DLGAP1: variants seen among roughly 807,000 people sequenced by gnomAD.
DLGAP1 encodes the protein disks large-associated protein 1.
A neutral mutation model predicts 90.8 loss-of-function variants in DLGAP1; 11 were observed. The ratio of observed to expected loss-of-function variants is 0.12; its 90% CI spans 0.08 to 0.20. The LOEUF (loss-of-function observed/expected upper bound fraction) is 0.20, where lower values mean the gene tolerates loss of function less well. Among genes scored for constraint, DLGAP1 ranks in the 10% least tolerant of loss-of-function variants. The pLI, the probability that DLGAP1 is intolerant of heterozygous loss-of-function variation, is 1.00. For missense variants in DLGAP1, 1,050 were observed against 1,333.8 expected (o/e 0.79, Z 3.31); for synonymous variants, 558 against 540.7 (o/e 1.03, Z -0.44).
chr18:4,402,999 T>C (rs1254797142), intron 1 of DLGAP1, among the ~76,000 whole-genome samples: 1 of 152,238 alleles, frequency 6.6e-6, no homozygotes, highest in Non-Finnish European at 1.5e-5. Context: ...ATGGTAGAAC[T>C]CTGACCATGA....
intron 6 of DLGAP1, among the ~76,000 whole-genome samples, chr18:3,736,317 T>C (rs540078123): frequency 7.9e-5 from 12 of 152,340 alleles, no homozygotes; most frequent in East Asian, 1.9e-4. Flanking sequence ...GATGTACCTA[T>C]GGTAAAAATA....
Position 3,897,996 on chromosome 18 carries a change from T to C in DLGAP1, c.-72-17856A>G, listed in dbSNP as rs11877269. Among the ~76,000 whole-genome samples, 385 of 151,660 alleles carry C rather than the reference T, an allele frequency of 2.5e-3. 3 individuals are homozygous for C. Among genetic ancestry groups the C allele is most frequent in the Middle Eastern group, 0.014 (4 of 292 alleles). ...TTTTTAGTAGAGACGGGGTTTCACC[T>C]TGTTAGCCAGGATGGTCTCGATCTC... On this transcript the variant is annotated intron_variant, in intron 3 of 12. Coordinates refer to ENST00000315677, the MANE Select transcript of DLGAP1 (RefSeq NM_004746.4).
At chr18:4,249,721 G>A (rs2145187850) in intron 1 of DLGAP1, among the ~76,000 whole-genome samples, 1 of 152,248 alleles carries the variant, frequency 6.6e-6, no homozygotes, top group Non-Finnish European at 1.5e-5. Flanking sequence ...CCCAGCAGCT[G>A]GGACTATAGG....
intron 2 of DLGAP1, among the ~76,000 whole-genome samples, chr18:4,135,009 T>C (rs2076377377): frequency 6.6e-6 from 1 of 151,680 alleles, no homozygotes; most frequent in African/African-American, 2.4e-5. Flanking sequence ...ATTTGAATAG[T>C]GTGGCCGGAA....
intron 3 of DLGAP1, among the ~76,000 whole-genome samples, chr18:3,940,255 C>G (rs977005527): frequency 4.6e-5 from 7 of 152,178 alleles, no homozygotes; most frequent in African/African-American, 1.7e-4. Flanking sequence ...GCTCTAGCCC[C>G]AGTCAAGTTT....
At chr18:3,809,771 C>G (rs538878276) in intron 5 of DLGAP1, among the ~76,000 whole-genome samples, 5 of 152,324 alleles carry the variant, frequency 3.3e-5, no homozygotes, top group African/African-American at 9.6e-5. Context: ...TGACACCCCA[C>G]TTAATATAAT....
chr18:3,899,108 G>A (rs1457543554), intron 3 of DLGAP1, among the ~76,000 whole-genome samples: 1 of 152,148 alleles, frequency 6.6e-6, no homozygotes, highest in Non-Finnish European at 1.5e-5. Flanking sequence ...ACACTTATGA[G>A]CAAAGACCTG....
rs1170955342 is a variant in DLGAP1 at position 3,742,601 on chromosome 18, C to T, written c.1173-89G>A. The T allele has an allele frequency of 9.0e-6, 13 of 1,443,002 alleles. No individual in the cohort carries two copies. In the East Asian group the frequency reaches 2.8e-4, roughly 31 times the overall value. 89.4% of individuals were successfully genotyped at this position (1,443,002 alleles called of 1,614,324 possible). On this transcript the variant is annotated intron_variant, in intron 5 of 12. Coordinates refer to ENST00000315677, the MANE Select transcript of DLGAP1 (RefSeq NM_004746.4). ...TGGCACTATTGTCATTTATGTAGCA[C>T]CCTAAATACTGGGACAAATGACATA... is the stretch of plus-strand genomic sequence containing the variant.
At chr18:3,773,800 A>C (rs1019364893) in intron 5 of DLGAP1, among the ~76,000 whole-genome samples, 1 of 152,238 alleles carries the variant, frequency 6.6e-6, no homozygotes, top group African/African-American at 2.4e-5. Flanking sequence ...CATTAATTCA[A>C]GCATATATTA....
At chr18:4,142,915 T>C (rs1280661005) in intron 2 of DLGAP1, among the ~76,000 whole-genome samples, 1 of 152,124 alleles carries the variant, frequency 6.6e-6, no homozygotes, top group Non-Finnish European at 1.5e-5. Context: ...AAAAATTTTC[T>C]AGATTGCCAG....
chr18:3,888,107 C>T (rs1461080713), intron 3 of DLGAP1, among the ~76,000 whole-genome samples: 3 of 49,382 alleles, frequency 6.1e-5, no homozygotes, highest in Non-Finnish European at 1.1e-4. Flanking sequence ...GACTCCATCT[C>T]AAAAAAAAAA....
intron 2 of DLGAP1, among the ~76,000 whole-genome samples, chr18:4,030,568 T>C (rs2074780453): frequency 1.1e-5 from 1 of 91,492 alleles, no homozygotes; most frequent in Non-Finnish European, 2.3e-5. Context: ...TTGGATTGAG[T>C]GAAGGTTGCC....
At chr18:4,135,982 T>C (rs926224111) in intron 2 of DLGAP1, among the ~76,000 whole-genome samples, 3 of 152,004 alleles carry the variant, frequency 2.0e-5, no homozygotes, top group Admixed American at 1.3e-4. Context: ...ACTGGTCATT[T>C]ACATTAGGTA....
At chr18:3,986,447 T>C (rs1599272260) in intron 3 of DLGAP1, 1 of 152,338 alleles carries the variant, frequency 6.6e-6, no homozygotes, top group African/African-American at 2.4e-5. Flanking sequence ...GGTCTTGCCA[T>C]GTTGCTCAGG....
chr18:3,678,952 G>A (rs953705469), intron 7 of DLGAP1, among the ~76,000 whole-genome samples: 1 of 152,322 alleles, frequency 6.6e-6, no homozygotes, highest in Admixed American at 6.5e-5. Context: ...AAGAGGAACA[G>A]CTATAACTAT....
At chr18:3,846,332 T>TAA (rs1276314325) in intron 4 of DLGAP1, among the ~76,000 whole-genome samples, 2 of 152,192 alleles carry the variant, frequency 1.3e-5, no homozygotes, top group Non-Finnish European at 2.9e-5. Context: ...ACTGAATTAA[T>TAA]AAAAGCACAG....
chr18:3,735,690 T>C (rs951814201), intron 6 of DLGAP1, among the ~76,000 whole-genome samples: 1 of 150,878 alleles, frequency 6.6e-6, no homozygotes, highest in Non-Finnish European at 1.5e-5. Context: ...ACAGGACAGA[T>C]GTGAAATTAA....
chr18:3,874,458 T>A (rs2070939651), intron 4 of DLGAP1: 1 of 1,435,644 alleles, frequency 7.0e-7, no homozygotes, highest in African/African-American at 1.4e-5. Context: ...TGGCTTTATA[T>A]GTCAGTCACT....
rs1555695758 is a variant in DLGAP1, at chr18:3,600,969, G to GATATAGATATATAGATAGATAT, written c.1592-18722_1592-18721insATATCTATCTATATATCTATAT. ...ATATATAGATATATATAGATATATAGATAGATATATAGATATAGATATATA... is the reference window on the plus strand; with the variant it reads ...ATATATAGATATATATAGATATATAGATATAGATATATAGATAGATATATAGATATATAGATATAGATATATA... On this transcript the variant is annotated intron_variant, in intron 7 of 12. Transcript: ENST00000315677. 2.3e-5 allele frequency among the ~76,000 whole-genome samples: 2 copies of GATATAGATATATAGATAGATAT among 87,504 alleles called. 1 individual carries two copies. Among genetic ancestry groups the GATATAGATATATAGATAGATAT allele is most frequent in the Admixed American group, 2.1e-4 (2 of 9,622 alleles). The allele number at this position is 87,504 out of a possible 152,430, so 57.4% of individuals were successfully genotyped here.
Sources: allele counts gnomAD v4.1 joint callset (sites outside exome capture counted in the v4.1 genomes callset), GRCh38; gene constraint gnomAD v4.1.1; transcripts MANE v1.5; gene names NCBI Gene and HGNC (gene_info 2026-07-23, HGNC 2026-07-21).